Variants in ATP8A2 observed in about 807,000 individuals in gnomAD.
ATP8A2 encodes phospholipid-transporting ATPase IB.
ATP8A2 carries 100 observed loss-of-function variants against 165.6 expected under a neutral mutation model. The ratio of observed to expected loss-of-function variants is 0.60; its 90% CI spans 0.51 to 0.71. The LOEUF is 0.71. ATP8A2 is among the 30% of genes least tolerant of loss of function. ATP8A2 has a pLI of 0.00. For synonymous variants in ATP8A2, 543 were observed against 548.8 expected (o/e 0.99, Z 0.15); for missense variants, 1,227 against 1,479.5 (o/e 0.83, Z 2.80).
At chr13:25,776,598 C>T (rs1413540306) in intron 27 of ATP8A2, among the ~76,000 whole-genome samples, 1 of 151,982 alleles carries the variant, frequency 6.6e-6, no homozygotes, top group Non-Finnish European at 1.5e-5. Context: ...TTTACAATTC[C>T]CTTTTGGCAC....
intron 24 of ATP8A2, among the ~76,000 whole-genome samples, chr13:25,698,625 T>C (rs1365086986): frequency 1.3e-5 from 2 of 152,106 alleles, no homozygotes; most frequent in Admixed American, 1.3e-4. Flanking sequence ...CTGGTAGTAG[T>C]GTTTTGGTAG....
At chr13:25,736,510 T>G (rs2138117999) in intron 25 of ATP8A2, among the ~76,000 whole-genome samples, 1 of 152,336 alleles carries the variant, frequency 6.6e-6, no homozygotes, top group Middle Eastern at 3.4e-3. Context: ...TTGGCATGAT[T>G]CGTTGGAGAC....
At chr13:25,481,182 A>ACCGT (rs1555278819) in intron 2 of ATP8A2, among the ~76,000 whole-genome samples, 2 of 144,286 alleles carry the variant, frequency 1.4e-5, no homozygotes, top group South Asian at 2.2e-4. Flanking sequence ...GGAGAGGGAG[A>ACCGT]GGGAGAGGGA....
intron 25 of ATP8A2, among the ~76,000 whole-genome samples, chr13:25,747,773 T>G (rs1311252383): frequency 6.6e-6 from 1 of 152,190 alleles, no homozygotes; most frequent in Non-Finnish European, 1.5e-5. Context: ...AGGACAGAGT[T>G]GCAGTGAGTA....
chr13:25,857,494 G>A (rs939350230), intron 30 of ATP8A2, among the ~76,000 whole-genome samples: 1 of 150,868 alleles, frequency 6.6e-6, no homozygotes, highest in Non-Finnish European at 1.5e-5. Context: ...CCCACCGCAA[G>A]CCTCCCAAGT....
intron 29 of ATP8A2, among the ~76,000 whole-genome samples, chr13:25,839,044 T>C (rs1215629741): frequency 1.3e-5 from 2 of 152,184 alleles, no homozygotes; most frequent in Non-Finnish European, 2.9e-5. Flanking sequence ...GGATTTGAAG[T>C]AGTAAAACAA....
chr13:25,708,651 G>A (rs1307198145), intron 25 of ATP8A2, among the ~76,000 whole-genome samples: 1 of 151,994 alleles, frequency 6.6e-6, no homozygotes, highest in Non-Finnish European at 1.5e-5. Context: ...TGAATAGGAA[G>A]CCCCAAGATT....
intron 33 of ATP8A2, among the ~76,000 whole-genome samples, chr13:25,911,900 C>T (rs1432040547): frequency 6.6e-6 from 1 of 152,108 alleles, no homozygotes; most frequent in Non-Finnish European, 1.5e-5. Context: ...GAAAAGGGAA[C>T]CCTTGTACAC....
chr13:25,488,367 T>C (rs1193422846), intron 2 of ATP8A2, among the ~76,000 whole-genome samples: 1 of 152,202 alleles, frequency 6.6e-6, no homozygotes, highest in Non-Finnish European at 1.5e-5. Flanking sequence ...CTACTTTCTG[T>C]CCCTGTGTAT....
chr13:25,480,372 G>A (rs1297100215), intron 2 of ATP8A2, among the ~76,000 whole-genome samples: 51 of 151,512 alleles, frequency 3.4e-4, no homozygotes, highest in Middle Eastern at 3.5e-3. Flanking sequence ...GGTGGCTGCC[G>A]GGCGGAGGGG....
chr13:25,941,116 C>T (rs1278034069), intron 33 of ATP8A2, among the ~76,000 whole-genome samples: 2 of 152,180 alleles, frequency 1.3e-5, no homozygotes, highest in African/African-American at 4.8e-5. Context: ...GGGAGATCCA[C>T]GGAGCCTCAG....
intron 28 of ATP8A2, 98 bp downstream of exon 28, chr13:25,828,290 A>G (rs1951371384): frequency 2.9e-6 from 3 of 1,018,876 alleles, no homozygotes; most frequent in Non-Finnish European, 3.1e-6. Flanking sequence ...TGAGTCAATC[A>G]TCTGTATACT....
At chr13:25,539,858 G>C (rs1457611946) in intron 7 of ATP8A2, among the ~76,000 whole-genome samples, 2 of 152,150 alleles carry the variant, frequency 1.3e-5, no homozygotes, top group African/African-American at 4.8e-5. Context: ...GAGAATTAAA[G>C]CCTTGCCAAG....
At chr13:25,744,854 C>A (rs2043994534) in intron 25 of ATP8A2, among the ~76,000 whole-genome samples, 1 of 152,194 alleles carries the variant, frequency 6.6e-6, no homozygotes, top group Non-Finnish European at 1.5e-5. Flanking sequence ...AATGTATTTT[C>A]CGAGAATGTT....
chr13:25,892,813 T>A (rs2138907348), intron 33 of ATP8A2, among the ~76,000 whole-genome samples: 1 of 151,794 alleles, frequency 6.6e-6, no homozygotes, highest in Middle Eastern at 3.4e-3. Flanking sequence ...TCTGTTTTTT[T>A]TTTTTCGCAT....
intron 2 of ATP8A2, among the ~76,000 whole-genome samples, chr13:25,482,295 C>T (rs963434488): frequency 1.3e-4 from 20 of 152,270 alleles, no homozygotes; most frequent in Non-Finnish European, 2.8e-4. Context: ...TCCTTAAGTA[C>T]CATTCATAAT....
intron 33 of ATP8A2, among the ~76,000 whole-genome samples, chr13:25,929,686 C>T (rs1308252919): frequency 6.6e-6 from 1 of 152,016 alleles, no homozygotes; most frequent in Non-Finnish European, 1.5e-5. Context: ...AGTGAGACCT[C>T]GTCTCTACAA....
intron 33 of ATP8A2, among the ~76,000 whole-genome samples, chr13:25,898,871 C>T (rs11149406): frequency 0.055 from 8,334 of 152,298 alleles, 575 homozygotes; most frequent in African/African-American, 0.14. Flanking sequence ...TTGTGAAGCC[C>T]GTTGGAAAAG....
chr13:25,697,901 T>G (rs1038939890), intron 24 of ATP8A2, among the ~76,000 whole-genome samples: 1 of 152,216 alleles, frequency 6.6e-6, no homozygotes, highest in African/African-American at 2.4e-5. Context: ...AGTCACTTTT[T>G]GAGAATAAAC....
Sources: gnomAD v4.1 joint callset for allele counts (sites outside exome capture counted in the v4.1 genomes callset) on GRCh38, gnomAD v4.1.1 for gene constraint, MANE v1.5 for transcripts, NCBI Gene and HGNC (gene_info 2026-07-23, HGNC 2026-07-21) for gene names.